The following MRTFB variants were observed in gnomAD, a reference collection of about 807,000 sequenced individuals.
MRTFB encodes myocardin related transcription factor B.
In MRTFB, 29 loss-of-function variants were observed where a neutral mutation model predicts 104.2. The ratio of observed to expected loss-of-function variants is 0.28; its 90% CI spans 0.21 to 0.38. MRTFB has a LOEUF of 0.38. Ranked by LOEUF, MRTFB falls within the 10% of genes least tolerant of loss-of-function variation. MRTFB has a pLI of 1.00. For missense variants in MRTFB, 1,270 were observed against 1,341.6 expected, an observed-to-expected ratio of 0.95 and a Z score of 0.83; for synonymous variants, 535 against 519.5, an observed-to-expected ratio of 1.03 and a Z score of -0.41.
chr16:14,219,130 G>A, intron 8 of MRTFB, 132 bp downstream of exon 8: 1 of 846,820 alleles, frequency 1.2e-6, no homozygotes, highest in South Asian at 3.1e-5. Context: ...CAAAAAGCAG[G>A]CACTTAACTG....
chr16:14,140,558 C>A lies in MRTFB; in HGVS notation c.-49C>A. On this transcript the variant is annotated 5_prime_UTR_variant, in exon 3 of 17. Coordinates refer to ENST00000571589, the MANE Select transcript of MRTFB (RefSeq NM_001308142.2). ...TATTTTGGCAGTGTCTTCAATAGGC[C>A]GTGTTTAAGAGGCGTCTTACACTCC... The A allele has an allele frequency of 6.2e-7, 1 of 1,604,280 alleles. No individual in the cohort carries two copies. Among genetic ancestry groups the A allele is most frequent in the South Asian group, 1.1e-5 (1 of 90,406 alleles).
At chr16:14,023,016 A>G in the MRTFB span, among the ~76,000 whole-genome samples, 1 of 151,980 alleles carries the variant, frequency 6.6e-6, no homozygotes, top group Non-Finnish European at 1.5e-5. Flanking sequence ...CTTATACCAC[A>G]TGGTGCTATC....
At chr16:14,038,813 T>C in the MRTFB span, among the ~76,000 whole-genome samples, 2 of 152,156 alleles carry the variant, frequency 1.3e-5, no homozygotes, top group South Asian at 4.1e-4. Flanking sequence ...ACAGTGTAAT[T>C]TATAAAGAAA....
the MRTFB span, among the ~76,000 whole-genome samples, chr16:14,019,988 G>A: frequency 1.4e-3 from 219 of 152,314 alleles, no homozygotes; most frequent in Non-Finnish European, 2.2e-3. Context: ...CACGTGAGAC[G>A]CTTATTAGGG....
intron 3 of MRTFB, among the ~76,000 whole-genome samples, chr16:14,169,585 A>C (rs1267776830): frequency 1.3e-5 from 2 of 152,290 alleles, no homozygotes; most frequent in East Asian, 3.9e-4. Context: ...TTCTTGAATT[A>C]TCTCTCTATG....
At chr16:14,052,996 T>G in the MRTFB span, among the ~76,000 whole-genome samples, 1 of 152,214 alleles carries the variant, frequency 6.6e-6, no homozygotes, top group Non-Finnish European at 1.5e-5. Flanking sequence ...CTTATTTCAT[T>G]TAACATAATG....
intron 2 of MRTFB, among the ~76,000 whole-genome samples, chr16:14,081,091 A>G (rs74816774): frequency 0.025 from 3,744 of 152,286 alleles, 169 homozygotes; most frequent in African/African-American, 0.085. Flanking sequence ...TGTTTTCCAT[A>G]ATGGCAATAA....
intron 8 of MRTFB, among the ~76,000 whole-genome samples, chr16:14,228,204 T>C (rs1303915422): frequency 2.6e-5 from 4 of 152,244 alleles, no homozygotes; most frequent in African/African-American, 4.8e-5. Context: ...GTATAGCCAC[T>C]GTGGACAATG....
At chr16:14,007,472 AT>A in the MRTFB span, among the ~76,000 whole-genome samples, 1 of 152,210 alleles carries the variant, frequency 6.6e-6, no homozygotes, top group African/African-American at 2.4e-5. Context: ...TTATTCACTC[AT>A]CAGTTTACCA....
chr16:14,110,403 G>A (rs1365733216), intron 2 of MRTFB, among the ~76,000 whole-genome samples: 3 of 152,246 alleles, frequency 2.0e-5, no homozygotes, highest in South Asian at 2.1e-4. Context: ...TCTGAAGGCA[G>A]TCAGGGAGGT....
At chr16:14,187,947 C>T (rs1033418041) in intron 3 of MRTFB, among the ~76,000 whole-genome samples, 1 of 152,206 alleles carries the variant, frequency 6.6e-6, no homozygotes, top group Non-Finnish European at 1.5e-5. Flanking sequence ...CACCCCCTTG[C>T]CTCCCGCTCG....
the MRTFB span, among the ~76,000 whole-genome samples, chr16:14,063,065 G>A: frequency 6.6e-6 from 1 of 152,298 alleles, no homozygotes; most frequent in Non-Finnish European, 1.5e-5. Flanking sequence ...CTTACAATGT[G>A]GGATTTCCTC....
chr16:14,258,217 A>G, intron 16 of MRTFB, 56 bp downstream of exon 16: 1 of 1,467,226 alleles, frequency 6.8e-7, no homozygotes, highest in East Asian at 2.3e-5. Flanking sequence ...ACCCAAGTTC[A>G]TGAAAGTTTT....
At chr16:14,158,874 G>A (rs1233512140) in intron 3 of MRTFB, among the ~76,000 whole-genome samples, 2 of 151,516 alleles carry the variant, frequency 1.3e-5, no homozygotes, top group African/African-American at 4.8e-5. Flanking sequence ...GCTGACGCCT[G>A]TAATCGCAGC....
the MRTFB span, among the ~76,000 whole-genome samples, chr16:14,050,115 A>G: frequency 6.6e-6 from 1 of 152,226 alleles, no homozygotes; most frequent in African/African-American, 2.4e-5. Flanking sequence ...GCATATGTAT[A>G]TACACATAGA....
the MRTFB span, among the ~76,000 whole-genome samples, chr16:13,999,802 C>T: frequency 2.0e-5 from 3 of 152,306 alleles, no homozygotes; most frequent in South Asian, 4.1e-4. Context: ...CAGTTAAATG[C>T]TCTTTATTAT....
At chr16:14,113,166 C>T (rs1336965761) in intron 2 of MRTFB, among the ~76,000 whole-genome samples, 1 of 152,196 alleles carries the variant, frequency 6.6e-6, no homozygotes, top group Non-Finnish European at 1.5e-5. Context: ...ACCTCAACCT[C>T]CCAAGTAGCT....
At chr16:14,256,043 G>C (rs1597390338) in intron 15 of MRTFB, among the ~76,000 whole-genome samples, 2 of 150,880 alleles carry the variant, frequency 1.3e-5, no homozygotes, top group African/African-American at 4.9e-5. Flanking sequence ...ATCTCAGGGG[G>C]TTGAGGCTGC....
At chr16:14,037,941 C>A in the MRTFB span, among the ~76,000 whole-genome samples, 1 of 152,204 alleles carries the variant, frequency 6.6e-6, no homozygotes, top group Admixed American at 6.6e-5. Flanking sequence ...TTGGCCAAGT[C>A]ATCTCTACCT....
Sources: allele counts gnomAD v4.1 joint callset (sites outside exome capture counted in the v4.1 genomes callset), GRCh38; gene constraint gnomAD v4.1.1; transcripts MANE v1.5; gene names NCBI Gene and HGNC (gene_info 2026-07-23, HGNC 2026-07-21).